The following CADPS2 variants were observed in gnomAD, a reference collection of about 807,000 sequenced individuals.
CADPS2 encodes calcium-dependent secretion activator 2.
Under a neutral mutation model 172.5 loss-of-function variants are expected in CADPS2, and 93 were observed. That is an observed-to-expected ratio of 0.54 (90% CI 0.46 to 0.64). The LOEUF is 0.64. Ranked by LOEUF, CADPS2 falls within the 30% of genes least tolerant of loss-of-function variation. The pLI is 0.00. For missense variants in CADPS2, 1,420 were observed against 1,565.9 expected (o/e 0.91, Z 1.57); for synonymous variants, 546 against 555.2 (o/e 0.98, Z 0.23).
intron 1 of CADPS2, among the ~76,000 whole-genome samples, chr7:122,756,419 T>C (rs367852174): frequency 6.6e-6 from 1 of 152,076 alleles, no homozygotes; most frequent in South Asian, 2.1e-4. Context: ...TCAAAAGAAA[T>C]GTATACAACC....
intron 7 of CADPS2, among the ~76,000 whole-genome samples, chr7:122,566,242 G>C (rs949685144): frequency 6.6e-6 from 1 of 152,064 alleles, no homozygotes; most frequent in Admixed American, 6.6e-5. Context: ...GATAAGAATG[G>C]CTATTATCAA....
rs112563119 is a variant in CADPS2 at position 122,748,171 on chromosome 7, T to C, written c.340-11103A>G. On this transcript the variant is annotated intron_variant, in intron 1 of 29. Coordinates refer to ENST00000449022, the MANE Select transcript of CADPS2 (RefSeq NM_017954.11). The stretch of plus-strand genomic sequence containing the variant: ...AACCATTGAGCAAAGACTCCAGCAC[T>C]GAAGCAAGTGAGTGAAGAGGAGGGA... Among the ~76,000 whole-genome samples the C allele has an allele frequency of 2.9e-3, 449 of 152,266 alleles. 2 individuals carry two copies. The highest frequency in any genetic ancestry group is 9.9e-3 in the African/African-American group (412 of 41,562).
At chr7:122,553,106 AG>A (rs2064533109) in intron 8 of CADPS2, among the ~76,000 whole-genome samples, 1 of 152,240 alleles carries the variant, frequency 6.6e-6, no homozygotes, top group South Asian at 2.1e-4. Flanking sequence ...GTGTCCTGTG[AG>A]ACTTTCATTC....
chr7:122,656,408 A>C (rs1378560311), intron 3 of CADPS2, among the ~76,000 whole-genome samples: 2 of 152,068 alleles, frequency 1.3e-5, no homozygotes, highest in East Asian at 3.9e-4. Context: ...AGCCCTCTTG[A>C]CTCACGTACT....
At chr7:122,622,768 G>A (rs2075730821) in intron 4 of CADPS2, among the ~76,000 whole-genome samples, 1 of 152,178 alleles carries the variant, frequency 6.6e-6, no homozygotes, top group Non-Finnish European at 1.5e-5. Context: ...AATGGCTGCT[G>A]AATGCTCCAG....
chr7:122,406,354 CAT>C (rs2046638105), intron 20 of CADPS2, among the ~76,000 whole-genome samples: 1 of 152,202 alleles, frequency 6.6e-6, no homozygotes, highest in Non-Finnish European at 1.5e-5. Context: ...GCAGCAAAAA[CAT>C]GTGCAGTTTT....
chr7:122,641,570 T>C (rs544776565), intron 3 of CADPS2, among the ~76,000 whole-genome samples: 1 of 152,314 alleles, frequency 6.6e-6, no homozygotes, highest in African/African-American at 2.4e-5. Flanking sequence ...GAATCTTCTG[T>C]ATGAAAGCCT....
At chr7:122,693,222 C>T (rs1172184416) in intron 2 of CADPS2, among the ~76,000 whole-genome samples, 1 of 152,196 alleles carries the variant, frequency 6.6e-6, no homozygotes, top group Non-Finnish European at 1.5e-5. Flanking sequence ...TGTCCTTCTT[C>T]CCACAAAGTA....
At chr7:122,559,263 G>A (rs958947906) in intron 7 of CADPS2, among the ~76,000 whole-genome samples, 4 of 151,996 alleles carry the variant, frequency 2.6e-5, no homozygotes, top group African/African-American at 7.3e-5. Flanking sequence ...CTGTAACAGC[G>A]GCACCCTAGA....
chr7:122,439,719 C>T (rs887533375), intron 16 of CADPS2, among the ~76,000 whole-genome samples: 2 of 152,166 alleles, frequency 1.3e-5, no homozygotes, highest in South Asian at 4.1e-4. Context: ...TTAATTAGCA[C>T]TGCACATTAG....
At chr7:122,362,823 C>T (rs184892422) in intron 25 of CADPS2, among the ~76,000 whole-genome samples, 101 of 152,218 alleles carry the variant, frequency 6.6e-4, no homozygotes, top group Non-Finnish European at 1.2e-3. Flanking sequence ...AGGAGATAAT[C>T]TTTTCTTTAT....
intron 2 of CADPS2, among the ~76,000 whole-genome samples, chr7:122,711,170 T>C (rs1318384822): frequency 6.6e-6 from 1 of 152,100 alleles, no homozygotes; most frequent in African/African-American, 2.4e-5. Context: ...TGTCTTACAT[T>C]TTCTCTCCAA....
At chr7:122,499,778 G>A (rs2059044874) in intron 9 of CADPS2, among the ~76,000 whole-genome samples, 1 of 152,054 alleles carries the variant, frequency 6.6e-6, no homozygotes, top group South Asian at 2.1e-4. Context: ...AACACCAGGG[G>A]ACCTCTACAA....
At position 122,689,531 on chromosome 7, in the gene CADPS2, C is replaced by T. The variant is rs949941226; in HGVS notation, c.454-25962G>A. Among the ~76,000 whole-genome samples, 4 of 152,198 alleles carry T rather than the reference C, an allele frequency of 2.6e-5. No individual in the cohort carries two copies. In the South Asian group the frequency reaches 8.3e-4, roughly 31 times the overall value. On this transcript the variant is annotated intron_variant, in intron 2 of 29. Coordinates refer to ENST00000449022, the MANE Select transcript of CADPS2 (RefSeq NM_017954.11). ...AGGGATAGAACCACAAGGGGGCCCACCCCACTCACAAAAACTGGAAACGCA... is the reference window on the plus strand; with the variant it reads ...AGGGATAGAACCACAAGGGGGCCCATCCCACTCACAAAAACTGGAAACGCA...
At chr7:122,806,639 A>C (rs1798858127) in intron 1 of CADPS2, among the ~76,000 whole-genome samples, 1 of 152,190 alleles carries the variant, frequency 6.6e-6, no homozygotes, top group African/African-American at 2.4e-5. Context: ...GAAATATTCT[A>C]ACATAGTAAT....
intron 3 of CADPS2, 54 bp downstream of exon 3, chr7:122,663,183 C>T (rs2080798581): frequency 2.3e-6 from 3 of 1,285,538 alleles, no homozygotes; most frequent in Non-Finnish European, 3.3e-6. Flanking sequence ...GTAAATACTT[C>T]ATGTTCATTC....
At chr7:122,560,785 A>C (rs1258683705) in intron 7 of CADPS2, among the ~76,000 whole-genome samples, 1 of 152,218 alleles carries the variant, frequency 6.6e-6, no homozygotes, top group Non-Finnish European at 1.5e-5. Context: ...AGATTCATAA[A>C]GACAGTCTCT....
intron 11 of CADPS2, 60 bp from the exon 12 acceptor site, chr7:122,480,920 C>T (rs1335704606): frequency 9.6e-6 from 12 of 1,251,366 alleles, no homozygotes; most frequent in Middle Eastern, 1.9e-4. Flanking sequence ...GAACTATATA[C>T]TTATACAACT....
chr7:122,650,063 C>G (rs1188924600), intron 3 of CADPS2, among the ~76,000 whole-genome samples: 2 of 150,950 alleles, frequency 1.3e-5, no homozygotes. Context: ...CGCGTGCCAC[C>G]ACACCTGGCT....
Sources: allele counts gnomAD v4.1 joint callset (sites outside exome capture counted in the v4.1 genomes callset), GRCh38; gene constraint gnomAD v4.1.1; transcripts MANE v1.5; gene names NCBI Gene and HGNC (gene_info 2026-07-23, HGNC 2026-07-21).